Variants in PRUNE2 observed in about 807,000 individuals in gnomAD.
PRUNE2 encodes protein prune homolog 2.
In PRUNE2, 164 loss-of-function variants were observed where a neutral mutation model predicts 252.0. The observed-to-expected ratio is 0.65, with a 90% CI of 0.57 to 0.74. PRUNE2 has a LOEUF of 0.74. Among genes scored for constraint, PRUNE2 ranks in the 30% least tolerant of loss-of-function variants. The pLI is 0.00. For synonymous variants in PRUNE2, 1,292 were observed against 1,350.2 expected (o/e 0.96, Z 0.94); for missense variants, 3,495 against 3,711.0 (o/e 0.94, Z 1.51).
At chr9:76,870,727 T>A (rs544355295) in intron 1 of PRUNE2, among the ~76,000 whole-genome samples, 1 of 148,924 alleles carries the variant, frequency 6.7e-6, no homozygotes, top group Admixed American at 6.7e-5. Context: ...GGTTTCCAGA[T>A]GTGGTGGTAG....
chr9:76,650,296 G>A (rs570119168), intron 11 of PRUNE2, among the ~76,000 whole-genome samples: 5 of 149,750 alleles, frequency 3.3e-5, no homozygotes, highest in African/African-American at 9.8e-5. Context: ...AATATATAAT[G>A]AAACATATAT....
intron 1 of PRUNE2, among the ~76,000 whole-genome samples, chr9:76,898,548 T>C (rs1186995278): frequency 6.6e-6 from 1 of 152,196 alleles, no homozygotes; most frequent in Admixed American, 6.5e-5. Context: ...ATATATATTA[T>C]TATAAGATGT....
At chr9:76,677,549 C>T (rs2042822289) in intron 9 of PRUNE2, among the ~76,000 whole-genome samples, 1 of 152,216 alleles carries the variant, frequency 6.6e-6, no homozygotes, top group Non-Finnish European at 1.5e-5. Context: ...GGCAGCCGGC[C>T]CTCTGTGGAC....
At chr9:76,780,197 A>G (rs957861053) in intron 6 of PRUNE2, among the ~76,000 whole-genome samples, 3 of 152,230 alleles carry the variant, frequency 2.0e-5, no homozygotes, top group Non-Finnish European at 4.4e-5. Context: ...CGATAGCTAC[A>G]TGACCCAATT....
At chr9:76,852,406 T>C (rs1279841144) in intron 2 of PRUNE2, among the ~76,000 whole-genome samples, 2 of 152,226 alleles carry the variant, frequency 1.3e-5, no homozygotes, top group African/African-American at 2.4e-5. Flanking sequence ...GTTCTGAAGT[T>C]GATGTCACAA....
At position 76,711,162 on chromosome 9, in the gene PRUNE2, G is replaced by A; in HGVS notation, c.1112C>T (p.Ala371Val). 6.2e-7 allele frequency: 1 copy of A among 1,613,906 alleles called. No individual in the cohort carries two copies. The highest frequency in any genetic ancestry group is 2.2e-5 in the East Asian group (1 of 44,864). Residue 371 changes from alanine to valine, a missense_variant, in exon 8 of 19, where the codon GCC (alanine) becomes GTC (valine). Transcript: ENST00000376718. ...VSNSRTSSTE[A>V]VAGSAPLSQG... is the part of the protein sequence containing the mutation. ...GGAGAGGGGGGCACTGCCTGCCACGGCTTCTGTTGAGGATGTCCGGCTATT... is the reference window on the plus strand; with the variant it reads ...GGAGAGGGGGGCACTGCCTGCCACGACTTCTGTTGAGGATGTCCGGCTATT...
At chr9:76,645,169 AG>A in intron 11 of PRUNE2, 1 of 361,856 alleles carries the variant, frequency 2.8e-6, no homozygotes, top group Non-Finnish European at 5.0e-6. Flanking sequence ...GGCCATGCTG[AG>A]GGGGAGACTA....
At chr9:76,818,929 T>C (rs189820198) in intron 6 of PRUNE2, among the ~76,000 whole-genome samples, 151 of 152,230 alleles carry the variant, frequency 9.9e-4, no homozygotes, top group Non-Finnish European at 1.7e-3. Context: ...GTGACCTTAT[T>C]TGGAAATAGG....
At chr9:76,800,319 C>A (rs970327248) in intron 6 of PRUNE2, among the ~76,000 whole-genome samples, 3 of 151,862 alleles carry the variant, frequency 2.0e-5, no homozygotes, top group Non-Finnish European at 4.4e-5. Context: ...TTTGTCCTTG[C>A]GATACTTTGC....
Position 76,826,623 on chromosome 9 carries a change from C to T in PRUNE2, c.618G>A (p.Glu206=). The T allele has an allele frequency of 6.2e-7, 1 of 1,612,272 alleles. No individual in the cohort carries two copies. Among genetic ancestry groups the T allele is most frequent in the Non-Finnish European group, 8.5e-7 (1 of 1,178,972 alleles). The change falls in exon 5 of 19, where the codon GAG becomes GAA. Residue 206 remains glutamate (E), a synonymous_variant. Coordinates refer to ENST00000376718, the MANE Select transcript of PRUNE2 (RefSeq NM_015225.3). ...EEKFPNLPPR[E]DIINVLQETQ... The stretch of plus-strand genomic sequence containing the variant: ...TCTCCTGTAGGACGTTGATGATGTC[C>T]TCTCTTGGAGGCAAGTTAGGAAATT...
chr9:76,823,842 G>A (rs2058184164), intron 5 of PRUNE2, 116 bp from the exon 6 acceptor site: 2 of 651,908 alleles, frequency 3.1e-6, no homozygotes, highest in Non-Finnish European at 2.7e-6. Flanking sequence ...CCCCTCAAAT[G>A]TCACTTTTAT....
In PRUNE2 at chr9:76,664,010, C is replaced by A. The variant is rs193216613; in HGVS notation, c.8277-8508G>T. Among the ~76,000 whole-genome samples the A allele has an allele frequency of 2.1e-3, 327 of 152,338 alleles. 3 individuals are homozygous for A. Among genetic ancestry groups the A allele is most frequent in the African/African-American group, 7.4e-3 (307 of 41,582 alleles). ...CCACATCTTCCTCTACGCAGATCCGCTACATCCTACCTTCTCTGTGACGAC... is the reference window on the plus strand; with the variant it reads ...CCACATCTTCCTCTACGCAGATCCGATACATCCTACCTTCTCTGTGACGAC... On this transcript the variant is annotated intron_variant, in intron 9 of 18. Coordinates refer to ENST00000376718, the MANE Select transcript of PRUNE2 (RefSeq NM_015225.3).
intron 9 of PRUNE2, among the ~76,000 whole-genome samples, chr9:76,684,254 C>T (rs921189936): frequency 1.3e-5 from 2 of 152,172 alleles, no homozygotes; most frequent in Non-Finnish European, 1.5e-5. Flanking sequence ...CATCCGCTTT[C>T]CAGTCTCTGG....
chr9:76,835,316 G>T (rs2132192183), intron 4 of PRUNE2, among the ~76,000 whole-genome samples: 1 of 151,960 alleles, frequency 6.6e-6, no homozygotes, highest in Admixed American at 6.6e-5. Context: ...TTTTACATAG[G>T]ATTGATTTTT....
chr9:76,655,113 G>A (rs1848710685), intron 10 of PRUNE2, among the ~76,000 whole-genome samples: 1 of 152,120 alleles, frequency 6.6e-6, no homozygotes, highest in Admixed American at 6.5e-5. Flanking sequence ...TAAATGCGGA[G>A]AACTTAGACA....
At position 76,647,865 on chromosome 9, in the gene PRUNE2, C is replaced by A. The variant is rs567555872; in HGVS notation, c.8558-2956G>T. Among the ~76,000 whole-genome samples the A allele has an allele frequency of 3.3e-5, 5 of 152,116 alleles. No individual in the cohort carries two copies. In the East Asian group the frequency reaches 9.7e-4, roughly 29 times the overall value. ...TAATCCCAGCTACTTGGGAGGCTGA[C>A]ACAGGGGAATCGCTTGAACCCAAGA... is the stretch of plus-strand genomic sequence containing the variant. On this transcript the variant is annotated intron_variant, in intron 11 of 18. Transcript: ENST00000376718.
chr9:76,760,752 T>C (rs911075375), intron 6 of PRUNE2, among the ~76,000 whole-genome samples: 3 of 152,130 alleles, frequency 2.0e-5, no homozygotes, highest in Non-Finnish European at 2.9e-5. Context: ...GCTCTCTACA[T>C]GCATCTTAGA....
chr9:76,735,904 C>A (rs1267413218), intron 6 of PRUNE2, among the ~76,000 whole-genome samples: 1 of 152,124 alleles, frequency 6.6e-6, no homozygotes, highest in African/African-American at 2.4e-5. Flanking sequence ...GGAACTGGAA[C>A]CCAAGTTTTC....
At chr9:76,830,796 A>C (rs2058627728) in intron 4 of PRUNE2, among the ~76,000 whole-genome samples, 2 of 152,206 alleles carry the variant, frequency 1.3e-5, no homozygotes, top group Admixed American at 6.5e-5. Context: ...TAAACCAATC[A>C]GAGTAAAAAG....
Sources: gnomAD v4.1 joint callset for allele counts (sites outside exome capture counted in the v4.1 genomes callset) on GRCh38, gnomAD v4.1.1 for gene constraint, MANE v1.5 for transcripts, NCBI Gene and HGNC (gene_info 2026-07-23, HGNC 2026-07-21) for gene names.